Variants in POLN observed in about 807,000 individuals in gnomAD.
POLN encodes the protein DNA polymerase nu, also known as DNA polymerase N.
In POLN, 108 loss-of-function variants were observed where a neutral mutation model predicts 113.5. The observed-to-expected ratio is 0.95, with a 90% CI of 0.81 to 1.12. The LOEUF (loss-of-function observed/expected upper bound fraction) is 1.12, where lower values mean the gene tolerates loss of function less well. POLN is among the 50% of genes most tolerant of loss of function. POLN has a pLI of 0.00. For synonymous variants in POLN, 386 were observed against 391.5 expected, an observed-to-expected ratio of 0.99 and a Z score of 0.17; for missense variants, 1,097 against 1,077.1, an observed-to-expected ratio of 1.02 and a Z score of -0.26.
At chr4:2,078,195 C>T (rs1315323839) in intron 23 of POLN, among the ~76,000 whole-genome samples, 1 of 152,256 alleles carries the variant, frequency 6.6e-6, no homozygotes, top group Non-Finnish European at 1.5e-5. Context: ...ACCGTCACAG[C>T]ACTGACACGT....
intron 16 of POLN, among the ~76,000 whole-genome samples, chr4:2,147,192 C>T (rs563894107): frequency 6.6e-6 from 1 of 152,176 alleles, no homozygotes; most frequent in African/African-American, 2.4e-5. Flanking sequence ...AATTCTGAGC[C>T]AGTATCATGA....
intron 4 of POLN, among the ~76,000 whole-genome samples, chr4:2,210,630 T>TAATAAA (rs1009445902): frequency 5.5e-4 from 49 of 88,590 alleles, no homozygotes; most frequent in African/African-American, 9.9e-4. Flanking sequence ...ATAATAATAA[T>TAATAAA]AAAAAAAAGA....
At chr4:2,082,460 C>A (rs946331922) in intron 21 of POLN, among the ~76,000 whole-genome samples, 2 of 152,180 alleles carry the variant, frequency 1.3e-5, no homozygotes, top group East Asian at 1.9e-4. Context: ...CTGGACTGGG[C>A]AGATCCAATC....
intron 11 of POLN, 144 bp downstream of exon 11, chr4:2,173,811 A>C (rs1303418693): frequency 1.4e-5 from 11 of 782,242 alleles, no homozygotes; most frequent in South Asian, 6.5e-5. Flanking sequence ...TCTCCCCTGC[A>C]GGCGTCAGAA....
intron 17 of POLN, 79 bp downstream of exon 17, chr4:2,131,154 T>C (rs1731717975): frequency 1.9e-6 from 2 of 1,052,018 alleles, no homozygotes; most frequent in Non-Finnish European, 2.9e-6. Context: ...AAATGCACTC[T>C]AGCCTGGGTG....
chr4:2,174,624 G>A (rs12647917), intron 10 of POLN, 67 bp downstream of exon 10: 193,659 of 1,320,288 alleles, frequency 0.15, 22,035 homozygotes, highest in African/African-American at 0.52. Flanking sequence ...ATGGAGAAAT[G>A]TTCATCCCAA....
chr4:2,072,143 G>C lies in POLN; in HGVS notation c.2674C>G (p.Leu892Val). ...AGACAAAATGAAGGCGAAAAATGCAGGGGTGGGGGCTGGGTGCTGGCAGGG... is the reference window on the plus strand; with the variant it reads ...AGACAAAATGAAGGCGAAAAATGCACGGGTGGGGGCTGGGTGCTGGCAGGG... ...GSPASTQPPP[L>V]HFSPSFCL The change falls in exon 26 of 26, where the codon CTG becomes GTG. Residue 892 changes from leucine to valine, a missense_variant. Transcript: ENST00000511885. 2 of 1,613,028 alleles carry C rather than the reference G, an allele frequency of 1.2e-6. No homozygotes were observed. Among genetic ancestry groups the C allele is most frequent in the Non-Finnish European group, 1.7e-6 (2 of 1,179,900 alleles).
chr4:2,159,264 A>C, intron 13 of POLN, 53 bp from the exon 14 acceptor site: 1 of 1,415,778 alleles, frequency 7.1e-7, no homozygotes, highest in East Asian at 2.3e-5. Flanking sequence ...TAACATTTTA[A>C]ACACGTATTT....
intron 16 of POLN, among the ~76,000 whole-genome samples, chr4:2,133,088 T>C (rs2108727020): frequency 6.6e-6 from 1 of 151,688 alleles, no homozygotes; most frequent in African/African-American, 2.4e-5. Flanking sequence ...GGAGGATCAC[T>C]TGTGCCTAGG....
rs1050180021 is a variant in POLN at position 2,129,240 on chromosome 4, A to G, written c.1806T>C (p.Ile602=). 3.8e-6 allele frequency: 6 copies of G among 1,593,694 alleles called. No homozygotes were observed. Among genetic ancestry groups the G allele is most frequent in the Non-Finnish European group, 5.2e-6 (6 of 1,161,666 alleles). The change falls in exon 18 of 26, where the codon ATT becomes ATC. Residue 602 remains isoleucine, a synonymous_variant. Transcript: ENST00000511885. Reference sequence around the variant, plus strand: ...ACATGGCCCTCGGGGAGATCGTGAGAATCTTGTCTTCTTTACCTGAATTGT... The same window carrying G: ...ACATGGCCCTCGGGGAGATCGTGAGGATCTTGTCTTCTTTACCTGAATTGT... ...PKNFKGKEDK[I]LTISPRAMFV... is the part of the protein sequence containing the mutation.
chr4:2,201,257 ACT>A (rs1189271179), intron 5 of POLN, among the ~76,000 whole-genome samples: 47 of 102,438 alleles, frequency 4.6e-4, no homozygotes, highest in Middle Eastern at 0.01. Flanking sequence ...ACAGAGTGAG[ACT>A]CTGTCCCCCT....
chr4:2,150,000 T>C (rs1227373440), intron 16 of POLN, among the ~76,000 whole-genome samples: 3 of 151,802 alleles, frequency 2.0e-5, no homozygotes, highest in African/African-American at 7.3e-5. Context: ...GGAGAATCGC[T>C]TGAACCCGGG....
At chr4:2,146,485 C>A (rs1341350542) in intron 16 of POLN, among the ~76,000 whole-genome samples, 5 of 152,184 alleles carry the variant, frequency 3.3e-5, no homozygotes, top group African/African-American at 1.2e-4. Flanking sequence ...ACTTGGGCAA[C>A]AAGAGCAAAA....
At chr4:2,178,445 C>G (rs1268354729) in intron 8 of POLN, among the ~76,000 whole-genome samples, 1 of 152,212 alleles carries the variant, frequency 6.6e-6, no homozygotes, top group African/African-American at 2.4e-5. Flanking sequence ...CCAACTGTGG[C>G]CACATTGCCA....
chr4:2,149,627 A>C (rs983973194), intron 16 of POLN, among the ~76,000 whole-genome samples: 5 of 152,182 alleles, frequency 3.3e-5, no homozygotes, highest in African/African-American at 1.2e-4. Context: ...CTCTAAAAAA[A>C]ATTAAGAAGT....
intron 2 of POLN, chr4:2,238,486 G>T: frequency 3.5e-6 from 2 of 565,294 alleles, no homozygotes; most frequent in Non-Finnish European, 5.7e-6. Context: ...AAATAGAAAG[G>T]CCAAAAGTGA....
chr4:2,144,666 T>C lies in POLN; in HGVS notation c.1731+12122A>G, dbSNP rs560911404. Among the ~76,000 whole-genome samples, 4 of 152,308 alleles carry C rather than the reference T, an allele frequency of 2.6e-5. No individual in the cohort carries two copies. In the East Asian group the frequency reaches 5.8e-4, roughly 22 times the overall value. ...ATGCTACATATTTTTCCTTAAAAAT[T>C]GCTCCCCCACACCCCAATAATCCGT... On this transcript the variant is annotated intron_variant, in intron 16 of 25. Coordinates refer to ENST00000511885, the MANE Select transcript of POLN (RefSeq NM_181808.4).
At chr4:2,143,085 T>C (rs1732044028) in intron 16 of POLN, among the ~76,000 whole-genome samples, 1 of 151,974 alleles carries the variant, frequency 6.6e-6, no homozygotes, top group Non-Finnish European at 1.5e-5. Flanking sequence ...AGAGCAGTGC[T>C]GAGAGGAAAA....
intron 21 of POLN, 62 bp downstream of exon 21, chr4:2,085,551 T>C: frequency 6.3e-7 from 1 of 1,598,996 alleles, no homozygotes; most frequent in Non-Finnish European, 8.5e-7. Flanking sequence ...CACGCAGCTG[T>C]CCCCCCATCC....
Sources: allele counts gnomAD v4.1 joint callset (sites outside exome capture counted in the v4.1 genomes callset), GRCh38; gene constraint gnomAD v4.1.1; transcripts MANE v1.5; gene names NCBI Gene and HGNC (gene_info 2026-07-23, HGNC 2026-07-21).